Variants in ZNF736 observed in about 807,000 individuals in gnomAD.
ZNF736 encodes KRAB-containing zinc-finger repressor protein.
In ZNF736, 6 loss-of-function variants were observed where a neutral mutation model predicts 11.7. The observed-to-expected ratio is 0.51, with a 90% CI of 0.28 to 1.01. The LOEUF (loss-of-function observed/expected upper bound fraction) is 1.01, where lower values mean the gene tolerates loss of function less well. ZNF736 is among the 50% of genes least tolerant of loss of function. The pLI is 0.09. For synonymous variants in ZNF736, 139 were observed against 164.7 expected, an observed-to-expected ratio of 0.84 and a Z score of 1.19; for missense variants, 444 against 496.0, an observed-to-expected ratio of 0.90 and a Z score of 1.00.
chr7:64,342,414 CTT>C (rs768962972), intron 3 of ZNF736, among the ~76,000 whole-genome samples: 6 of 152,112 alleles, frequency 3.9e-5, no homozygotes, highest in Non-Finnish European at 8.8e-5. Flanking sequence ...AGGAACTAAA[CTT>C]AGAAATTTAA....
rs1160735446 is a variant in ZNF736 at position 64,336,337 on chromosome 7, T to C, written c.82T>C (p.Leu28=). 6.2e-7 allele frequency: 1 copy of C among 1,613,796 alleles called. No individual in the cohort carries two copies. The highest frequency in any genetic ancestry group is 1.3e-5 in the African/African-American group (1 of 74,942). ...WECLDSAQQR[L]YRDVMLENYG... ...ATGCCTGGACTCTGCTCAGCAGCGT[T>C]TGTATAGGGATGTGATGTTAGAGAA... is the stretch of plus-strand genomic sequence containing the variant. The change falls in exon 2 of 4, where the codon TTG becomes CTG. Residue 28 remains leucine, a synonymous_variant. Coordinates refer to ENST00000423484, the MANE Select transcript of ZNF736 (RefSeq NM_001170905.3).
chr7:64,336,432 T>C (rs759504288), intron 2 of ZNF736, 47 bp downstream of exon 2: 1 of 1,494,356 alleles, frequency 6.7e-7, no homozygotes, highest in South Asian at 1.4e-5. Flanking sequence ...TTAAATATTT[T>C]ATTTTCTTCT....
intron 1 of ZNF736, among the ~76,000 whole-genome samples, chr7:64,335,786 G>A (rs1300529116): frequency 6.6e-6 from 1 of 152,206 alleles, no homozygotes; most frequent in African/African-American, 2.4e-5. Context: ...CCTTGGGCCA[G>A]AAGCAACGAT....
chr7:64,316,061 A>C (rs560834675), intron 1 of ZNF736, among the ~76,000 whole-genome samples: 20 of 152,260 alleles, frequency 1.3e-4, no homozygotes, highest in Admixed American at 1.2e-3. Flanking sequence ...ATGTGTCCTC[A>C]GTCACTCTCC....
At chr7:64,346,665 G>A (rs890052035) in intron 3 of ZNF736, among the ~76,000 whole-genome samples, 7 of 151,978 alleles carry the variant, frequency 4.6e-5, no homozygotes, top group Admixed American at 1.3e-4. Flanking sequence ...TGTCTTGTTA[G>A]AAATCTCTTT....
chr7:64,330,108 TGTG>T (rs1368861637), intron 1 of ZNF736, among the ~76,000 whole-genome samples: 1 of 152,050 alleles, frequency 6.6e-6, no homozygotes, highest in Non-Finnish European at 1.5e-5. Flanking sequence ...TCGGTCAGCT[TGTG>T]GTGAACTCTG....
chr7:64,338,977 A>C (rs752740150), intron 3 of ZNF736, among the ~76,000 whole-genome samples: 41 of 151,994 alleles, frequency 2.7e-4, no homozygotes, highest in Non-Finnish European at 2.5e-4. Flanking sequence ...TCTTTAATAT[A>C]TTGTCAACAC....
chr7:64,314,229 T>C, intron 1 of ZNF736, 76 bp downstream of exon 1: 1 of 1,530,668 alleles, frequency 6.5e-7, no homozygotes, highest in Non-Finnish European at 8.8e-7. Context: ...TGCGGTGGTA[T>C]CTGGGCCTTC....
intron 3 of ZNF736, 65 bp downstream of exon 3, chr7:64,337,047 ACCT>A (rs1170054685): frequency 1.1e-5 from 14 of 1,301,124 alleles, no homozygotes; most frequent in Non-Finnish European, 1.5e-5. Flanking sequence ...AGGAAGCCAA[ACCT>A]TTAAACATGC....
intron 3 of ZNF736, among the ~76,000 whole-genome samples, chr7:64,337,756 G>GTTTTTTTTTTTTTTT (rs569147961): frequency 8.9e-6 from 1 of 112,508 alleles, no homozygotes; most frequent in Non-Finnish European, 1.7e-5. Flanking sequence ...GTTTTTTTTG[G>GTTTTTTTTTTTTTTT]TTTTTTTTTT....
intron 1 of ZNF736, among the ~76,000 whole-genome samples, chr7:64,315,112 T>C (rs778685245): frequency 6.6e-6 from 1 of 152,190 alleles, no homozygotes; most frequent in African/African-American, 2.4e-5. Context: ...AGCTCTTGCT[T>C]CACCTTCATC....
At chr7:64,315,412 A>G (rs1788902693) in intron 1 of ZNF736, among the ~76,000 whole-genome samples, 1 of 152,018 alleles carries the variant, frequency 6.6e-6, no homozygotes, top group African/African-American at 2.4e-5. Flanking sequence ...AACCAGATTC[A>G]ATATTTGATT....
At chr7:64,345,774 G>GT (rs1332072595) in intron 3 of ZNF736, among the ~76,000 whole-genome samples, 3 of 131,100 alleles carry the variant, frequency 2.3e-5, no homozygotes, top group African/African-American at 8.4e-5. Context: ...TAATTTTTAT[G>GT]TTTTTTGAAT....
chr7:64,347,404 T>C (rs553332224), intron 3 of ZNF736, among the ~76,000 whole-genome samples: 152 of 151,906 alleles, frequency 1.0e-3, no homozygotes, highest in African/African-American at 3.6e-3. Context: ...TTTTGTATTT[T>C]TAGTTGAGAC....
intron 3 of ZNF736, among the ~76,000 whole-genome samples, chr7:64,341,364 A>G (rs1374610847): frequency 6.6e-6 from 1 of 152,096 alleles, no homozygotes; most frequent in Non-Finnish European, 1.5e-5. Flanking sequence ...ACTTAAAAAC[A>G]GCCATCTAAT....
chr7:64,317,311 A>C (rs1226836577), intron 1 of ZNF736, among the ~76,000 whole-genome samples: 5 of 152,180 alleles, frequency 3.3e-5, no homozygotes, highest in Admixed American at 2.0e-4. Context: ...ATTTTTAATC[A>C]TGTGTTCATG....
At chr7:64,319,082 T>A (rs1227802436) in intron 1 of ZNF736, among the ~76,000 whole-genome samples, 1 of 151,984 alleles carries the variant, frequency 6.6e-6, no homozygotes, top group Non-Finnish European at 1.5e-5. Flanking sequence ...AGGAGACAGT[T>A]TGAGAAGACT....
At chr7:64,343,452 TG>T (rs1180432209) in intron 3 of ZNF736, among the ~76,000 whole-genome samples, 1 of 152,218 alleles carries the variant, frequency 6.6e-6, no homozygotes, top group Non-Finnish European at 1.5e-5. Context: ...AAGCTACCTA[TG>T]GGGTACTGTG....
chr7:64,341,449 C>T (rs1789336543), intron 3 of ZNF736, among the ~76,000 whole-genome samples: 1 of 152,114 alleles, frequency 6.6e-6, no homozygotes. Flanking sequence ...GCTTCACAAA[C>T]ATGTTCTCAG....
Sources: allele counts gnomAD v4.1 joint callset (sites outside exome capture counted in the v4.1 genomes callset), GRCh38; gene constraint gnomAD v4.1.1; transcripts MANE v1.5; gene names NCBI Gene and HGNC (gene_info 2026-07-23, HGNC 2026-07-21).